The following TRPV1 variants were observed in gnomAD, a reference collection of about 807,000 sequenced individuals.
TRPV1 encodes the protein transient receptor potential cation channel subfamily V member 1.
A neutral mutation model predicts 82.3 loss-of-function variants in TRPV1; 82 were observed. The observed-to-expected ratio is 1.00, with a 90% confidence interval of 0.83 to 1.20. The LOEUF is 1.20. Among genes scored for constraint, TRPV1 ranks in the 50% most tolerant of loss-of-function variants. The pLI is 0.00. For synonymous variants in TRPV1, 515 were observed against 467.7 expected, an observed-to-expected ratio of 1.10 and a Z score of -1.30; for missense variants, 1,067 against 1,096.8, an observed-to-expected ratio of 0.97 and a Z score of 0.38.
chr17:3,576,444 A>G (rs2074929089), intron 13 of TRPV1, among the ~76,000 whole-genome samples: 1 of 151,620 alleles, frequency 6.6e-6, no homozygotes, highest in Non-Finnish European at 1.5e-5. Flanking sequence ...CGAGGTCAGG[A>G]GATCGAGACC....
Position 3,566,595 on chromosome 17 carries a change from G to A in TRPV1, c.*220C>T, listed in dbSNP as rs1476229118. 3 of 512,852 alleles carry A rather than the reference G, an allele frequency of 5.8e-6. No homozygotes were observed. The highest frequency in any genetic ancestry group is 5.1e-4 in the Middle Eastern group (1 of 1,966). 31.8% of individuals were successfully genotyped at this position (512,852 alleles called of 1,614,324 possible). ...AAAGTGAGTAAAAACCTGAAAGTCTGTTAGGAGATTCACTTGGGGACAGTG... is the reference window on the plus strand; with the variant it reads ...AAAGTGAGTAAAAACCTGAAAGTCTATTAGGAGATTCACTTGGGGACAGTG... On this transcript the variant is annotated 3_prime_UTR_variant, in exon 17 of 17. Coordinates refer to ENST00000572705, the MANE Select transcript of TRPV1 (RefSeq NM_080704.4).
intron 5 of TRPV1, 138 bp downstream of exon 5, chr17:3,590,826 A>C (rs1005303343): frequency 8.1e-7 from 1 of 1,229,560 alleles, no homozygotes; most frequent in African/African-American, 1.5e-5. Flanking sequence ...GGGACCCCCT[A>C]GGATTAGGAG....
chr17:3,573,974 G>T lies in TRPV1; in HGVS notation c.1781-19C>A, dbSNP rs1291645692. On this transcript the variant is annotated intron_variant, in intron 13 of 16. Coordinates refer to ENST00000572705, the MANE Select transcript of TRPV1 (RefSeq NM_080704.4). ...ACCACCGCTACAGGGCACAGGGAGG[G>T]CGGGGTGCCACTGGATAGAAGCCAA... 1.9e-6 allele frequency: 3 copies of T among 1,571,044 alleles called. No individual in the cohort carries two copies. The highest frequency in any genetic ancestry group is 2.6e-6 in the Non-Finnish European group (3 of 1,161,302).
chr17:3,605,868 C>T (rs2075293341), intron 2 of TRPV1, among the ~76,000 whole-genome samples: 3 of 152,140 alleles, frequency 2.0e-5, no homozygotes, highest in South Asian at 2.1e-4. Context: ...GCATGGGAGA[C>T]GTCCCAGGTG....
chr17:3,574,072 A>G, intron 13 of TRPV1, 117 bp from the exon 14 acceptor site: 1 of 918,278 alleles, frequency 1.1e-6, no homozygotes, highest in East Asian at 2.7e-5. Context: ...TTATTTTTAA[A>G]GCATCCCTTC....
chr17:3,573,551 C>CCCCCCCCCCCCCCCTGT, intron 14 of TRPV1, 82 bp downstream of exon 14: 1 of 635,234 alleles, frequency 1.6e-6, no homozygotes, highest in South Asian at 6.1e-5. Context: ...ACCCACCCAC[C>CCCCCCCCCCCCCCCTGT]TGCAGCCAGC....
chr17:3,585,728 C>T (rs770933412), intron 9 of TRPV1, 40 bp downstream of exon 9: 4 of 1,595,770 alleles, frequency 2.5e-6, no homozygotes, highest in Non-Finnish European at 3.4e-6. Context: ...TTCCCCACCA[C>T]CCACACCCTC....
chr17:3,589,955 G>A lies in TRPV1; in HGVS notation c.896C>T (p.Thr299Met), dbSNP rs765240158. 48 of 1,565,734 alleles carry A rather than the reference G, an allele frequency of 3.1e-5. No individual in the cohort carries two copies. The highest frequency in any genetic ancestry group is 2.9e-4 in the South Asian group (25 of 85,486). The change falls in exon 7 of 17, where the codon ACG (threonine) becomes ATG (methionine). Residue 299 changes from threonine to methionine, a missense_variant. Coordinates refer to ENST00000572705, the MANE Select transcript of TRPV1 (RefSeq NM_080704.4). ...CGTCACAAACTTCGTGTTGTCGGCC[G>A]TGTTGTCGGCCACCTCCACCAGGGC... ...LHALVEVADN[T>M]ADNTKFVTSM...
intron 16 of TRPV1, among the ~76,000 whole-genome samples, chr17:3,569,656 G>T (rs1413543415): frequency 6.6e-6 from 1 of 152,166 alleles, no homozygotes; most frequent in African/African-American, 2.4e-5. Context: ...GGGAAGAGGA[G>T]GAAGGATTCA....
Position 3,588,242 on chromosome 17 carries a change from G to C in TRPV1, c.1170C>G (p.Thr390=), listed in dbSNP as rs200721710. 1 of 1,580,960 alleles carries C rather than the reference G, an allele frequency of 6.3e-7. No individual in the cohort carries two copies. The part of the protein sequence containing the change: ...SSLYDLSCID[T]CEKNSVLEVI... ...CCTCCAGCACCGAGTTCTTCTCGCA[G>C]GTGTCGATGCAGGACAGGTCGTACA... is the stretch of plus-strand genomic sequence containing the variant. The change falls in exon 8 of 17, where the codon ACC becomes ACG. Residue 390 remains threonine, a synonymous_variant. Coordinates refer to ENST00000572705, the MANE Select transcript of TRPV1 (RefSeq NM_080704.4).
chr17:3,568,044 C>T (rs961738889), intron 16 of TRPV1, among the ~76,000 whole-genome samples: 18 of 152,116 alleles, frequency 1.2e-4, no homozygotes, highest in African/African-American at 3.4e-4. Flanking sequence ...TACTCAAGGC[C>T]GGGCGCGGTG....
At chr17:3,580,626 C>T (rs1281601469) in intron 10 of TRPV1, 99 bp from the exon 11 acceptor site, 18 of 1,258,622 alleles carry the variant, frequency 1.4e-5, no homozygotes, top group Middle Eastern at 3.7e-4. Flanking sequence ...ATGGGGTGGT[C>T]GAATGTGTGA....
At chr17:3,594,191 G>A (rs965900537) in intron 2 of TRPV1, among the ~76,000 whole-genome samples, 1 of 146,204 alleles carries the variant, frequency 6.8e-6, no homozygotes, top group African/African-American at 2.7e-5. Flanking sequence ...CTGCACACAT[G>A]GGGAAATAAG....
At position 3,589,866 on chromosome 17, in the gene TRPV1, G is replaced by A. The variant is rs201895196; in HGVS notation, c.985C>T (p.Leu329Phe). The change falls in exon 7 of 17, where the codon CTC (leucine) becomes TTC (phenylalanine). Residue 329 changes from leucine to phenylalanine, a missense_variant. Physicochemically the swap from Leu to Phe is conservative, Grantham distance 22. Coordinates refer to ENST00000572705, the MANE Select transcript of TRPV1 (RefSeq NM_080704.4). ...GGCGTCATTCCCTTCTTGTTGGTGA[G>A]CTCCTCCAGCTTCAGCGTCGGGTGC... ...KLHPTLKLEE[L>F]TNKKGMTPLA... 4.0e-5 allele frequency: 65 copies of A among 1,613,416 alleles called. No homozygotes were observed. The highest frequency in any genetic ancestry group is 5.2e-5 in the Non-Finnish European group (61 of 1,179,766).
In TRPV1 at chr17:3,591,173, A is replaced by C; in HGVS notation, c.451+14T>G. On this transcript the variant is annotated intron_variant, in intron 4 of 16. Coordinates refer to ENST00000572705, the MANE Select transcript of TRPV1 (RefSeq NM_080704.4). Reference sequence around the variant, plus strand: ...CAGGGCTGGGGCCCTCCCCGAGCCCAGCGCTGGGGCCACCTTTGAACTCGT... The same window carrying C: ...CAGGGCTGGGGCCCTCCCCGAGCCCCGCGCTGGGGCCACCTTTGAACTCGT... 1 of 1,608,438 alleles carries C rather than the reference A, an allele frequency of 6.2e-7. No homozygotes were observed. The highest frequency in any genetic ancestry group is 1.3e-5 in the African/African-American group (1 of 74,978).
chr17:3,577,371 G>C (rs889499762), intron 12 of TRPV1, among the ~76,000 whole-genome samples, 179 bp from the exon 13 acceptor site: 1 of 152,206 alleles, frequency 6.6e-6, no homozygotes, highest in Non-Finnish European at 1.5e-5. Context: ...CCTTTGTTCT[G>C]GTCGGGAGAT....
chr17:3,590,386 G>A lies in TRPV1; in HGVS notation c.611C>T (p.Thr204Ile), dbSNP rs1443770703. Residue 204 changes from threonine to isoleucine, a missense_variant, in exon 6 of 17, where the codon ACA becomes ATA. Coordinates refer to ENST00000572705, the MANE Select transcript of TRPV1 (RefSeq NM_080704.4). ...TCTCTCGATGGCGATGTGCAGTGCT[G>A]TCTGGCCTACAGAGGACGCGCACGG... ...SYTDSYYKGQ[T>I]ALHIAIERRN... The A allele has an allele frequency of 1.9e-6, 3 of 1,613,722 alleles. No individual in the cohort carries two copies. The highest frequency in any genetic ancestry group is 2.5e-6 in the Non-Finnish European group (3 of 1,179,844).
rs868605933 is a variant in TRPV1, at chr17:3,573,863, C to T, written c.1873G>A (p.Asp625Asn). The change falls in exon 14 of 17, where the codon GAT becomes AAT. Residue 625 changes from aspartate to asparagine, a missense_variant. Physicochemically the swap from Asp to Asn is conservative, Grantham distance 23. Transcript: ENST00000572705. ...GAGTACAGGCTGTTGTAGGAGCTAT[C>T]GGGGGGCCTGCAGGCAGGCCCCCGC... is the stretch of plus-strand genomic sequence containing the variant. ...RWRGPACRPP[D>N]SSYNSLYSTC... 106 of 1,539,542 alleles carry T rather than the reference C, an allele frequency of 6.9e-5. 1 individual carries two copies. The Admixed American group carries it at 1.5e-3, about 22-fold the overall frequency.
chr17:3,601,372 C>CTA (rs2075261671), intron 2 of TRPV1, among the ~76,000 whole-genome samples: 1 of 151,956 alleles, frequency 6.6e-6, no homozygotes, highest in Admixed American at 6.6e-5. Context: ...GAGCAACGCC[C>CTA]CACCCCCGCA....
Sources: allele counts gnomAD v4.1 joint callset (sites outside exome capture counted in the v4.1 genomes callset), GRCh38; gene constraint gnomAD v4.1.1; transcripts MANE v1.5; gene names NCBI Gene and HGNC (gene_info 2026-07-23, HGNC 2026-07-21).